The following BRCA1 variants were observed in gnomAD, a reference collection of about 807,000 sequenced individuals.
BRCA1 encodes breast cancer type 1 susceptibility protein.
In BRCA1, 140 loss-of-function variants were observed where a neutral mutation model predicts 173.7. That is an observed-to-expected ratio of 0.81 (90% confidence interval 0.70 to 0.93). The LOEUF is 0.93. Ranked by LOEUF, BRCA1 falls within the 40% of genes least tolerant of loss-of-function variation. BRCA1 has a pLI of 0.00. For synonymous variants in BRCA1, 662 were observed against 756.0 expected, an observed-to-expected ratio of 0.88 and a Z score of 2.04; for missense variants, 1,983 against 2,172.5, an observed-to-expected ratio of 0.91 and a Z score of 1.73.
chr17:43,130,267 G>T (rs2055954509), upstream of BRCA1, among the ~76,000 whole-genome samples: 1 of 152,094 alleles, frequency 6.6e-6, no homozygotes, highest in South Asian at 2.1e-4. Context: ...TTCCACCTCA[G>T]CCTCCCAAAT....
At chr17:43,111,156 T>C (rs1447668916) in intron 3 of BRCA1, among the ~76,000 whole-genome samples, 1 of 151,782 alleles carries the variant, frequency 6.6e-6, no homozygotes, top group African/African-American at 2.4e-5. Flanking sequence ...AAGTTCAAAC[T>C]AATGCATGAC....
At chr17:43,068,852 A>G (rs2052264832) in intron 15 of BRCA1, among the ~76,000 whole-genome samples, 1 of 152,238 alleles carries the variant, frequency 6.6e-6, no homozygotes, top group Non-Finnish European at 1.5e-5. Flanking sequence ...GAAGGGGTTC[A>G]TGTTCTTCCC....
chr17:43,124,087 A>G lies in BRCA1; in HGVS notation c.10T>C (p.Ser4Pro), dbSNP rs876658707. Reference protein sequence around the residue: MDLSALRVEEVQNV... With the variant: MDLPALRVEEVQNV... ...TGTACTTCTTCAACGCGAAGAGCAGATAAATCCATTTCTTTCTGTTCCAAT... is the reference window on the plus strand; with the variant it reads ...TGTACTTCTTCAACGCGAAGAGCAGGTAAATCCATTTCTTTCTGTTCCAAT... Residue 4 changes from serine to proline, a missense_variant, in exon 2 of 23, where the codon TCT (serine) becomes CCT (proline). Coordinates refer to ENST00000357654, the MANE Select transcript of BRCA1 (RefSeq NM_007294.4). 6.2e-7 allele frequency: 1 copy of G among 1,613,214 alleles called. No individual in the cohort carries two copies. The highest frequency in any genetic ancestry group is 8.5e-7 in the Non-Finnish European group (1 of 1,179,178).
Position 43,044,993 on chromosome 17 carries a change from G to C in BRCA1, c.*685C>G, listed in dbSNP as rs952941718. The C allele has an allele frequency of 1.4e-5, 7 of 490,068 alleles. No homozygotes were observed. The highest frequency in any genetic ancestry group is 2.4e-5 in the Non-Finnish European group (6 of 248,684). The allele number at this position is 490,068 out of a possible 1,614,324, so 30.4% of individuals were successfully genotyped here. ...TAATTTCTGTATTTTTAGTAGAGAT[G>C]GGGTTTCACCATGTTGGCCAGGCTG... On this transcript the variant is annotated 3_prime_UTR_variant, in exon 23 of 23. Coordinates refer to ENST00000357654, the MANE Select transcript of BRCA1 (RefSeq NM_007294.4).
At chr17:43,064,827 ATTTTTTTT>A (rs60879064) in intron 16 of BRCA1, among the ~76,000 whole-genome samples, 1 of 106,694 alleles carries the variant, frequency 9.4e-6, no homozygotes, top group Admixed American at 1.0e-4. Context: ...TTTGATTTGC[ATTTTTTTT>A]TTTTTTTTTT....
chr17:43,088,368 CTTT>C (rs955248890), intron 11 of BRCA1, among the ~76,000 whole-genome samples: 1 of 143,548 alleles, frequency 7.0e-6, no homozygotes, highest in African/African-American at 2.5e-5. Flanking sequence ...ATGAATTTAT[CTTT>C]TTTTTTTTTT....
intron 1 of BRCA1, chr17:43,144,789 G>C (rs2056106717): frequency 2.6e-6 from 1 of 379,820 alleles, no homozygotes; most frequent in East Asian, 6.8e-5. Context: ...GGGAGGCCGA[G>C]GCAGGTGGTT....
intron 6 of BRCA1, among the ~76,000 whole-genome samples, chr17:43,103,829 G>T (rs1047794879): frequency 6.6e-6 from 1 of 151,934 alleles, no homozygotes. Flanking sequence ...TTTACCGGCC[G>T]GGCACAGTGG....
rs35668327 is a variant in BRCA1 at position 43,121,078 on chromosome 17, G to A, written c.80+2939C>T. On this transcript the variant is annotated intron_variant, in intron 2 of 22. Transcript: ENST00000357654. ...GAGCCAGACTCCAACCCCCCACCCC[G>A]AAAAAAAAAGGTCCAGGCCGGGCGC... is the stretch of plus-strand genomic sequence containing the variant. Among the ~76,000 whole-genome samples, 46,859 of 137,468 alleles carry A rather than the reference G, an allele frequency of 0.34. 7,656 individuals carry two copies. The highest frequency in any genetic ancestry group is 0.52 in the South Asian group (2,325 of 4,504). 90.2% of individuals were successfully genotyped at this position (137,468 alleles called of 152,430 possible). A position where few individuals can be genotyped will look rare whatever the true frequency, so the allele number is the denominator to read the frequency against.
intron 1 of BRCA1, among the ~76,000 whole-genome samples, chr17:43,152,771 C>T (rs1212587477): frequency 4.6e-5 from 7 of 152,050 alleles, no homozygotes; most frequent in Non-Finnish European, 7.4e-5. Flanking sequence ...AGGACAATGG[C>T]GTGAACCTGG....
intron 8 of BRCA1, among the ~76,000 whole-genome samples, chr17:43,096,393 A>AAAAAG (rs1555593762): frequency 2.0e-5 from 3 of 149,796 alleles, no homozygotes; most frequent in African/African-American, 7.4e-5. Flanking sequence ...AAAAAAAAAA[A>AAAAAG]AGAGAGAAAG....
In BRCA1 at chr17:43,125,243, C is replaced by T. The variant is rs904265019; in HGVS notation, c.-20+28G>A. On this transcript the variant is annotated intron_variant, in intron 1 of 22. Transcript: ENST00000357654. The stretch of plus-strand genomic sequence containing the variant: ...AGTACCCCAGAGCATCACTTGGGCC[C>T]CCTGTCCCTTTCCCGGGACTCTACT... The T allele has an allele frequency of 6.6e-6, 3 of 456,060 alleles. No homozygotes were observed. The highest frequency in any genetic ancestry group is 1.3e-5 in the Non-Finnish European group (3 of 226,974). 28.3% of individuals were successfully genotyped at this position (456,060 alleles called of 1,614,324 possible). A position where few individuals can be genotyped will look rare whatever the true frequency, so the allele number is the denominator to read the frequency against.
chr17:43,085,630 A>T (rs1296747987), intron 11 of BRCA1, among the ~76,000 whole-genome samples: 2 of 151,868 alleles, frequency 1.3e-5, no homozygotes, highest in Non-Finnish European at 2.9e-5. Context: ...CTCTTTTTCC[A>T]CTTGGAAAAA....
At chr17:43,057,836 AAAACAAAC>A (rs532984972) in intron 18 of BRCA1, among the ~76,000 whole-genome samples, 4 of 151,228 alleles carry the variant, frequency 2.6e-5, no homozygotes, top group Admixed American at 1.3e-4. Context: ...ACTCCGTCTC[AAAACAAAC>A]AAACAAACAA....
intron 16 of BRCA1, among the ~76,000 whole-genome samples, chr17:43,066,976 C>T (rs2052109379): frequency 6.6e-6 from 1 of 151,504 alleles, no homozygotes; most frequent in South Asian, 2.1e-4. Context: ...TGCCACCACG[C>T]CCACCTAATT....
At chr17:43,105,684 G>T (rs554473317) in intron 4 of BRCA1, among the ~76,000 whole-genome samples, 1 of 152,250 alleles carries the variant, frequency 6.6e-6, no homozygotes, top group South Asian at 2.1e-4. Flanking sequence ...TAGTAAAGTG[G>T]AATTAAAGCA....
chr17:43,046,486 A>C, intron 22 of BRCA1, among the ~76,000 whole-genome samples: 2 of 145,544 alleles, frequency 1.4e-5, no homozygotes, highest in Non-Finnish European at 3.0e-5. Context: ...CAACCTCAAC[A>C]TCCTGGGTTC....
At chr17:43,121,683 C>CAAAAAAAAAAA (rs71160013) in intron 2 of BRCA1, among the ~76,000 whole-genome samples, 3 of 32,898 alleles carry the variant, frequency 9.1e-5, no homozygotes, top group Admixed American at 4.3e-4. Context: ...AAGTCTGTCT[C>CAAAAAAAAAAA]AAAAAAAAAA....
chr17:43,143,679 C>T (rs944232277), intron 1 of BRCA1, among the ~76,000 whole-genome samples: 1 of 152,128 alleles, frequency 6.6e-6, no homozygotes, highest in African/African-American at 2.4e-5. Flanking sequence ...GGAATCCTTG[C>T]GCCTTCTGCA....
Sources: allele counts gnomAD v4.1 joint callset (sites outside exome capture counted in the v4.1 genomes callset), GRCh38; gene constraint gnomAD v4.1.1; transcripts MANE v1.5; gene names NCBI Gene and HGNC (gene_info 2026-07-23, HGNC 2026-07-21).